EHD2: variants seen among roughly 807,000 people sequenced by gnomAD.
The protein encoded by EHD2 is EH domain-containing protein 2.
A neutral mutation model predicts 41.0 loss-of-function variants in EHD2; 27 were observed. The ratio of observed to expected loss-of-function variants is 0.66; its 90% CI spans 0.49 to 0.91. EHD2 has a LOEUF of 0.91. Ranked by LOEUF, EHD2 falls within the 40% of genes least tolerant of loss-of-function variation. EHD2 has a pLI of 0.00. For synonymous variants in EHD2, 342 were observed against 341.0 expected, an observed-to-expected ratio of 1.00 and a Z score of -0.03; for missense variants, 673 against 773.9, an observed-to-expected ratio of 0.87 and a Z score of 1.55.
At chr19:47,717,191 A>G (rs1367873692) in intron 2 of EHD2, among the ~76,000 whole-genome samples, 175 bp downstream of exon 2, 3 of 151,974 alleles carry the variant, frequency 2.0e-5, no homozygotes, top group Non-Finnish European at 4.4e-5. Flanking sequence ...GGGATTACAG[A>G]CACCCACCAC....
intron 4 of EHD2, among the ~76,000 whole-genome samples, 186 bp from the exon 5 acceptor site, chr19:47,736,183 G>A (rs1333294084): frequency 6.6e-6 from 1 of 152,136 alleles, no homozygotes; most frequent in Non-Finnish European, 1.5e-5. Context: ...GTGACAGAGC[G>A]AGACTCCGTC....
intron 4 of EHD2, among the ~76,000 whole-genome samples, chr19:47,729,188 G>C (rs962191075): frequency 6.6e-6 from 1 of 152,158 alleles, no homozygotes; most frequent in Non-Finnish European, 1.5e-5. Flanking sequence ...GGGCGGGGTA[G>C]CTGGGGCAGG....
chr19:47,741,229 G>T lies in EHD2; in HGVS notation c.1429G>T (p.Val477Leu). Reference protein sequence around the residue: ...LSGSKAKTWMVGTKLPNSVLG... With the variant: ...LSGSKAKTWMLGTKLPNSVLG... Reference sequence around the variant, plus strand: ...CGGCTCCAAGGCCAAGACCTGGATGGTGGGGACCAAGCTCCCCAACTCAGT... The same window carrying T: ...CGGCTCCAAGGCCAAGACCTGGATGTTGGGGACCAAGCTCCCCAACTCAGT... Residue 477 changes from valine (V) to leucine (L), a missense_variant, in exon 6 of 6, where the codon GTG (valine) becomes TTG (leucine). Physicochemically the swap from Val to Leu is conservative, Grantham distance 32 (BLOSUM62 1). Transcript: ENST00000263277. This position sits in a 1 kb window ranked among gnomAD's most constrained non-coding sequence, Gnocchi z 4.5. 1 of 1,614,040 alleles carries T rather than the reference G, an allele frequency of 6.2e-7. No homozygotes were observed. The highest frequency in any genetic ancestry group is 8.5e-7 in the Non-Finnish European group (1 of 1,179,994).
At chr19:47,731,697 C>T (rs1351595439) in intron 4 of EHD2, among the ~76,000 whole-genome samples, 1 of 152,088 alleles carries the variant, frequency 6.6e-6, no homozygotes, top group Non-Finnish European at 1.5e-5. Flanking sequence ...CATGATTCTC[C>T]CACACCTCAC....
At position 47,741,184 on chromosome 19, in the gene EHD2, C is replaced by A; in HGVS notation, c.1384C>A (p.Pro462Thr). 6.2e-7 allele frequency: 1 copy of A among 1,613,976 alleles called. No individual in the cohort carries two copies. The change falls in exon 6 of 6, where the codon CCT (proline) becomes ACT (threonine). Residue 462 changes from proline (P) to threonine (T), a missense_variant. Coordinates refer to ENST00000263277, the MANE Select transcript of EHD2 (RefSeq NM_014601.4). The surrounding 1 kb of genome is among the most constrained non-coding windows in gnomAD (Gnocchi z 4.5). ...CGACGAGATCTTCTACAACCTGGCG[C>A]CTGCCGACGGCAAGCTGAGCGGCTC... is the stretch of plus-strand genomic sequence containing the variant. ...KYDEIFYNLA[P>T]ADGKLSGSKA...
chr19:47,733,751 C>CAAAAAAAAAAA (rs34254815), intron 4 of EHD2, among the ~76,000 whole-genome samples: 959 of 57,112 alleles, frequency 0.017, 197 homozygotes, highest in East Asian at 0.027. Flanking sequence ...GACTCTGTCT[C>CAAAAAAAAAAA]AAAAAAAAAA....
chr19:47,726,593 CTCCT>C lies in EHD2; in HGVS notation c.915+386_915+389del, dbSNP rs1011654516. Reference sequence around the variant, plus strand: ...CTTCTTCTCTTTCTTCCTCCCCTTCCTCCTTCCTTCCTTCCTTCCTCTGTTCCTC... The same window carrying C: ...CTTCTTCTCTTTCTTCCTCCCCTTCCTCCTTCCTTCCTTCCTCTGTTCCTC... On this transcript the variant is annotated intron_variant, in intron 4 of 5. Coordinates refer to ENST00000263277, the MANE Select transcript of EHD2 (RefSeq NM_014601.4). Among the ~76,000 whole-genome samples the C allele has an allele frequency of 5.7e-4, 85 of 150,218 alleles. 2 individuals are homozygous for C. The highest frequency in any genetic ancestry group is 1.2e-3 in the African/African-American group (50 of 40,798).
In EHD2 at chr19:47,741,834, G is replaced by C. The variant is rs1483326684; in HGVS notation, c.*402G>C. ...CATGGAAGGTGACGTTCCCAGGAGA[G>C]GGCACCTACACAGTCACGCAAACAC... On this transcript the variant is annotated 3_prime_UTR_variant, in exon 6 of 6. Transcript: ENST00000263277. This position sits in a 1 kb window ranked among gnomAD's most constrained non-coding sequence, Gnocchi z 4.5. 2.1e-6 allele frequency: 1 copy of C among 471,184 alleles called. No homozygotes were observed. The highest frequency in any genetic ancestry group is 2.0e-5 in the African/African-American group (1 of 50,746). 29.2% of individuals were successfully genotyped at this position (471,184 alleles called of 1,614,324 possible).
rs578155486 is a variant in EHD2, at chr19:47,739,864, G to A, written c.1081-1017G>A. Among the ~76,000 whole-genome samples the A allele has an allele frequency of 9.9e-5, 15 of 151,976 alleles. No homozygotes were observed. In the South Asian group the frequency reaches 3.1e-3, roughly 32 times the overall value. On this transcript the variant is annotated intron_variant, in intron 5 of 5. Transcript: ENST00000263277. ...ATGCTCTGAGAAAGCTATACTTGATGCGAAAATATTGAAATCCTTCTCTGC... is the reference window on the plus strand; with the variant it reads ...ATGCTCTGAGAAAGCTATACTTGATACGAAAATATTGAAATCCTTCTCTGC...
rs775008579 is a variant in EHD2, at chr19:47,726,071, C to T, written c.762C>T (p.Ile254=). 1.3e-6 allele frequency: 2 copies of T among 1,580,152 alleles called. No homozygotes were observed. Among genetic ancestry groups the T allele is most frequent in the South Asian group, 1.1e-5 (1 of 87,572 alleles). ...VGTPEVLRVY[I]GSFWSQPLLV... is the part of the protein sequence containing the mutation. ...CGCCCGAGGTGCTGCGCGTCTACAT[C>T]GGCTCCTTCTGGTCCCAGCCCCTCC... The change falls in exon 4 of 6, where the codon ATC becomes ATT. Residue 254 remains isoleucine, a synonymous_variant. Coordinates refer to ENST00000263277, the MANE Select transcript of EHD2 (RefSeq NM_014601.4).
intron 3 of EHD2, 87 bp downstream of exon 3, chr19:47,718,693 C>T (rs1486967902): frequency 8.3e-7 from 1 of 1,199,670 alleles, no homozygotes; most frequent in South Asian, 1.4e-5. Flanking sequence ...TGGGCCCGGA[C>T]TCCTGGGTCT....
chr19:47,729,440 G>A (rs1973785852), intron 4 of EHD2, among the ~76,000 whole-genome samples: 1 of 152,272 alleles, frequency 6.6e-6, no homozygotes, highest in South Asian at 2.1e-4. Context: ...CAAGGCAGGA[G>A]AGTCTAGGAG....
At chr19:47,723,628 C>G (rs1973719654) in intron 3 of EHD2, among the ~76,000 whole-genome samples, 1 of 146,702 alleles carries the variant, frequency 6.8e-6, no homozygotes, top group Non-Finnish European at 1.5e-5. Flanking sequence ...TGCACTCCAA[C>G]CTGGGCGACA....
At chr19:47,731,641 G>A (rs1966878911) in intron 4 of EHD2, 1 of 151,630 alleles carries the variant, frequency 6.6e-6, no homozygotes, top group South Asian at 2.1e-4. Flanking sequence ...CTTTTTTATT[G>A]AACATTTAAG....
At chr19:47,723,019 A>G (rs1973713359) in intron 3 of EHD2, among the ~76,000 whole-genome samples, 1 of 152,192 alleles carries the variant, frequency 6.6e-6, no homozygotes, top group South Asian at 2.1e-4. Flanking sequence ...TTGTTCTGCC[A>G]GTTAACTCTT....
In EHD2 at chr19:47,741,222, C is replaced by A; in HGVS notation, c.1422C>A (p.Thr474=). The change falls in exon 6 of 6, where the codon ACC becomes ACA. Residue 474 remains threonine (T), a synonymous_variant. Transcript: ENST00000263277. The surrounding 1 kb of genome is among the most constrained non-coding windows in gnomAD (Gnocchi z 4.5). ...AGCTGAGCGGCTCCAAGGCCAAGACCTGGATGGTGGGGACCAAGCTCCCCA... is the reference window on the plus strand; with the variant it reads ...AGCTGAGCGGCTCCAAGGCCAAGACATGGATGGTGGGGACCAAGCTCCCCA... ...DGKLSGSKAK[T]WMVGTKLPNS... The A allele has an allele frequency of 6.2e-7, 1 of 1,614,174 alleles. No individual in the cohort carries two copies. The highest frequency in any genetic ancestry group is 8.5e-7 in the Non-Finnish European group (1 of 1,180,024).
At position 47,726,068 on chromosome 19, in the gene EHD2, C is replaced by T. The variant is rs1180994334; in HGVS notation, c.759C>T (p.Tyr253=). ...VVGTPEVLRV[Y]IGSFWSQPLL... is the part of the protein sequence containing the mutation. ...GCACGCCCGAGGTGCTGCGCGTCTA[C>T]ATCGGCTCCTTCTGGTCCCAGCCCC... Residue 253 remains tyrosine (Y), a synonymous_variant, in exon 4 of 6, where the codon TAC becomes TAT. Coordinates refer to ENST00000263277, the MANE Select transcript of EHD2 (RefSeq NM_014601.4). 9 of 1,581,786 alleles carry T rather than the reference C, an allele frequency of 5.7e-6. No homozygotes were observed. The highest frequency in any genetic ancestry group is 7.7e-6 in the Non-Finnish European group (9 of 1,164,716).
Position 47,741,491 on chromosome 19 carries a change from ACCCCTGCTCCGGCTCACACACG to A in EHD2, c.*63_*84del. ...CCCAGCTCCAGTCGGCTGCACGCAC[ACCCCTGCTCCGGCTCACACACG>A]CCCTGCCTGCCCTCCCTGCCCAGCT... On this transcript the variant is annotated 3_prime_UTR_variant, in exon 6 of 6. Transcript: ENST00000263277. The surrounding 1 kb of genome is among the most constrained non-coding windows in gnomAD (Gnocchi z 4.5). 1 of 1,501,796 alleles carries A rather than the reference ACCCCTGCTCCGGCTCACACACG, an allele frequency of 6.7e-7. No homozygotes were observed. Among genetic ancestry groups the A allele is most frequent in the Non-Finnish European group, 8.9e-7 (1 of 1,124,934 alleles). The allele number at this position is 1,501,796 out of a possible 1,614,324, so 93.0% of individuals were successfully genotyped here.
Position 47,727,739 on chromosome 19 carries a change from T to C in EHD2, c.915+1515T>C, listed in dbSNP as rs1973766803. ...AAAAAGTTCTGATAACCCACTACCA[T>C]TGGACCAGCCCCGGGGCTTATCTTT... On this transcript the variant is annotated intron_variant, in intron 4 of 5. Transcript: ENST00000263277. Among the ~76,000 whole-genome samples, 3 of 148,934 alleles carry C rather than the reference T, an allele frequency of 2.0e-5. No homozygotes were observed. The South Asian group carries it at 6.4e-4, about 32-fold the overall frequency.
Sources: allele counts gnomAD v4.1 joint callset (sites outside exome capture counted in the v4.1 genomes callset), GRCh38; gene constraint gnomAD v4.1.1; non-coding constraint Gnocchi (gnomAD v3.1); transcripts MANE v1.5; gene names NCBI Gene and HGNC (gene_info 2026-07-23, HGNC 2026-07-21).